Variants in VPS13B observed in about 807,000 individuals in gnomAD.
VPS13B encodes the protein intermembrane lipid transfer protein VPS13B.
In VPS13B, 285 loss-of-function variants were observed where a neutral mutation model predicts 426.4. The observed-to-expected ratio is 0.67, with a 90% CI of 0.61 to 0.74. VPS13B has a LOEUF of 0.74. Ranked by LOEUF, VPS13B falls within the 30% of genes least tolerant of loss-of-function variation. The pLI is 0.00. For missense variants in VPS13B, 4,537 were observed against 4,782.6 expected, an observed-to-expected ratio of 0.95 and a Z score of 1.51; for synonymous variants, 1,676 against 1,676.4, an observed-to-expected ratio of 1.00 and a Z score of 0.01.
At chr8:99,172,528 G>A (rs553557238) in intron 16 of VPS13B, among the ~76,000 whole-genome samples, 5 of 152,212 alleles carry the variant, frequency 3.3e-5, no homozygotes, top group African/African-American at 4.8e-5. Context: ...CAAGATTTTC[G>A]TAGAGGATTG....
chr8:99,807,905 A>G (rs1367092476), intron 43 of VPS13B, among the ~76,000 whole-genome samples: 1 of 150,822 alleles, frequency 6.6e-6, no homozygotes, highest in Non-Finnish European at 1.5e-5. Flanking sequence ...CTATCTTAAC[A>G]TCGAAAACGT....
chr8:99,827,364 T>C (rs538286382), intron 51 of VPS13B, among the ~76,000 whole-genome samples: 1 of 152,334 alleles, frequency 6.6e-6, no homozygotes, highest in Non-Finnish European at 1.5e-5. Flanking sequence ...CATAGAGGTG[T>C]TTATAGTATT....
At chr8:99,523,506 C>T (rs985295429) in intron 30 of VPS13B, among the ~76,000 whole-genome samples, 3 of 152,240 alleles carry the variant, frequency 2.0e-5, no homozygotes, top group Non-Finnish European at 4.4e-5. Context: ...CACACCCCTT[C>T]CACAGCTCCA....
chr8:99,541,508 A>T (rs923342669), intron 30 of VPS13B, among the ~76,000 whole-genome samples: 1 of 151,890 alleles, frequency 6.6e-6, no homozygotes, highest in Non-Finnish European at 1.5e-5. Context: ...TTCCCCCTGC[A>T]CCCGGACAGG....
intron 43 of VPS13B, among the ~76,000 whole-genome samples, chr8:99,793,284 T>TATATATATAA (rs1282918685): frequency 7.0e-6 from 1 of 142,538 alleles, no homozygotes; most frequent in African/African-American, 2.6e-5. Flanking sequence ...TATATATATA[T>TATATATATAA]AAAATACATG....
intron 47 of VPS13B, 81 bp downstream of exon 47, chr8:99,818,969 C>CGGG: frequency 2.5e-5 from 2 of 78,700 alleles, no homozygotes; most frequent in South Asian, 7.0e-5. Flanking sequence ...TGGGGGGCGG[C>CGGG]GGGGGAGGGG....
intron 19 of VPS13B, among the ~76,000 whole-genome samples, chr8:99,360,373 G>A (rs1394020575): frequency 6.6e-6 from 1 of 150,706 alleles, no homozygotes; most frequent in Non-Finnish European, 1.5e-5. Flanking sequence ...CGCCTCCCGG[G>A]TTCATTCCAT....
chr8:99,328,384 G>A (rs61199835), intron 19 of VPS13B, among the ~76,000 whole-genome samples: 3,085 of 152,256 alleles, frequency 0.02, 112 homozygotes, highest in African/African-American at 0.07. Flanking sequence ...AAAAAATTCT[G>A]TGGGAACTAT....
At chr8:99,396,437 A>G (rs954223363) in intron 21 of VPS13B, among the ~76,000 whole-genome samples, 2 of 152,160 alleles carry the variant, frequency 1.3e-5, no homozygotes, top group Non-Finnish European at 2.9e-5. Flanking sequence ...AAGATATTTA[A>G]TGAGACTTTT....
At chr8:99,548,107 C>T (rs908902303) in intron 30 of VPS13B, among the ~76,000 whole-genome samples, 2 of 152,008 alleles carry the variant, frequency 1.3e-5, no homozygotes, top group Non-Finnish European at 2.9e-5. Flanking sequence ...CACCATAGGA[C>T]CAGCTATAGT....
chr8:99,072,662 T>G (rs1214580986), intron 3 of VPS13B, among the ~76,000 whole-genome samples: 2 of 152,180 alleles, frequency 1.3e-5, no homozygotes, highest in Non-Finnish European at 1.5e-5. Flanking sequence ...CCGTAAAATC[T>G]TTGCCTAGAT....
chr8:99,246,611 T>C (rs984502376), intron 17 of VPS13B, among the ~76,000 whole-genome samples: 1 of 152,186 alleles, frequency 6.6e-6, no homozygotes, highest in Non-Finnish European at 1.5e-5. Flanking sequence ...CTCACGCCTG[T>C]AATCCCAGCA....
At chr8:99,817,437 C>A in intron 44 of VPS13B, 103 bp from the exon 45 acceptor site, 1 of 1,441,322 alleles carries the variant, frequency 6.9e-7, no homozygotes, top group Non-Finnish European at 9.6e-7. Context: ...ACTTCATTTT[C>A]TTTCCATTAA....
At chr8:99,825,030 A>G (rs572907980) in intron 51 of VPS13B, among the ~76,000 whole-genome samples, 134 of 152,362 alleles carry the variant, frequency 8.8e-4, no homozygotes, top group Admixed American at 3.6e-3. Flanking sequence ...TAGTGCTGCA[A>G]TAAACATACA....
In VPS13B at chr8:99,868,308, TG is replaced by T. The variant is rs1347701279; in HGVS notation, c.11236del (p.Asp3746IlefsTer107). On this transcript the variant is annotated frameshift_variant, in exon 59 of 62. Transcript: ENST00000357162. LOFTEE classifies it high-confidence loss of function. ...SLLGAIAGIV[D>X]QPMQNFQKTS... ...TTCCAGGTGCAATTGCTGGTATAGT[TG>T]ATCAGCCGATGCAGAACTTCCAGAA... The T allele has an allele frequency of 6.2e-7, 1 of 1,614,206 alleles. No individual in the cohort carries two copies.
intron 17 of VPS13B, among the ~76,000 whole-genome samples, chr8:99,212,832 T>TC (rs1414718911): frequency 6.6e-6 from 1 of 152,214 alleles, no homozygotes; most frequent in Non-Finnish European, 1.5e-5. Flanking sequence ...ACTACTACTC[T>TC]CCCCTTTGCC....
intron 19 of VPS13B, among the ~76,000 whole-genome samples, chr8:99,306,560 G>A (rs1454235405): frequency 6.6e-6 from 1 of 152,000 alleles, no homozygotes; most frequent in Non-Finnish European, 1.5e-5. Context: ...AAATAACTTA[G>A]TTCAAACTAG....
intron 40 of VPS13B, among the ~76,000 whole-genome samples, chr8:99,771,751 A>G (rs144752599): frequency 2.6e-4 from 40 of 152,286 alleles, no homozygotes; most frequent in African/African-American, 9.4e-4. Context: ...CCATTTGGCT[A>G]CTTGGGTCTG....
intron 24 of VPS13B, among the ~76,000 whole-genome samples, chr8:99,472,321 T>A (rs1284530725): frequency 8.5e-5 from 13 of 152,100 alleles, no homozygotes; most frequent in African/African-American, 2.4e-5. Flanking sequence ...TTTACAGATA[T>A]ACATGGTCTC....
Sources: gnomAD v4.1 joint callset for allele counts (sites outside exome capture counted in the v4.1 genomes callset) on GRCh38, gnomAD v4.1.1 for gene constraint, MANE v1.5 for transcripts, NCBI Gene and HGNC (gene_info 2026-07-23, HGNC 2026-07-21) for gene names.